Variants in RASGRF2 observed in about 807,000 individuals in gnomAD.
The protein encoded by RASGRF2 is ras-specific guanine nucleotide-releasing factor 2.
Under a neutral mutation model 151.0 loss-of-function variants are expected in RASGRF2, and 76 were observed. The ratio of observed to expected loss-of-function variants is 0.50; its 90% CI spans 0.42 to 0.61. RASGRF2 has a LOEUF of 0.61. Among genes scored for constraint, RASGRF2 ranks in the 20% least tolerant of loss-of-function variants. The pLI, the probability that RASGRF2 is intolerant of heterozygous loss-of-function variation, is 0.00. For synonymous variants in RASGRF2, 504 were observed against 566.5 expected (o/e 0.89, Z 1.57); for missense variants, 1,148 against 1,564.6 (o/e 0.73, Z 4.49).
chr5:81,151,865 G>A (rs1754143230), intron 17 of RASGRF2, among the ~76,000 whole-genome samples: 1 of 152,130 alleles, frequency 6.6e-6, no homozygotes, highest in African/African-American at 2.4e-5. Context: ...GTTCAATTCA[G>A]CTAACTTTTT....
Position 81,070,492 on chromosome 5 carries a change from A to G in RASGRF2, c.544A>G (p.Ile182Val), listed in dbSNP as rs376087567. 3.0e-5 allele frequency: 48 copies of G among 1,595,378 alleles called. No homozygotes were observed. The Middle Eastern group carries it at 2.1e-3, about 71-fold the overall frequency. The change falls in exon 4 of 27, where the codon ATT becomes GTT. Residue 182 changes from isoleucine to valine, a missense_variant and splice_region_variant. Ile to Val is a conservative substitution (Grantham distance 29, BLOSUM62 3). Transcript: ENST00000265080. ...GAAATGGACCAACTTTGTGTTCCAG[A>G]TTATTGCTCTTAATAAAACCAAAGA... ...DTEIERLKSEIIALNKTKERM... is the reference protein window; with the variant it reads ...DTEIERLKSEVIALNKTKERM...
At chr5:81,064,925 A>G (rs1751552412) in intron 2 of RASGRF2, among the ~76,000 whole-genome samples, 1 of 152,192 alleles carries the variant, frequency 6.6e-6, no homozygotes, top group Non-Finnish European at 1.5e-5. Context: ...GAGTTAATAA[A>G]AAGGGTCGTT....
intron 9 of RASGRF2, among the ~76,000 whole-genome samples, chr5:81,091,175 A>G (rs1752377980): frequency 6.6e-6 from 1 of 152,148 alleles, no homozygotes; most frequent in South Asian, 2.1e-4. Flanking sequence ...GCATTAAACC[A>G]TGTCCTCTGC....
At chr5:81,093,885 T>G (rs1752462289) in intron 10 of RASGRF2, among the ~76,000 whole-genome samples, 1 of 151,918 alleles carries the variant, frequency 6.6e-6, no homozygotes, top group Non-Finnish European at 1.5e-5. Flanking sequence ...ATGGAAAAAG[T>G]TTGCCTAGAT....
At chr5:81,171,957 G>T (rs977232873) in intron 17 of RASGRF2, among the ~76,000 whole-genome samples, 8 of 152,182 alleles carry the variant, frequency 5.3e-5, no homozygotes, top group African/African-American at 1.9e-4. Context: ...GCAGCGATGG[G>T]AGGGCTGATA....
intron 1 of RASGRF2, among the ~76,000 whole-genome samples, chr5:80,991,266 C>T (rs550998873): frequency 1.3e-5 from 2 of 152,114 alleles, no homozygotes; most frequent in Non-Finnish European, 2.9e-5. Flanking sequence ...TGAGACCAGC[C>T]TGGGCAACAT....
intron 12 of RASGRF2, among the ~76,000 whole-genome samples, chr5:81,096,984 T>A (rs1752567586): frequency 6.6e-6 from 1 of 151,238 alleles, no homozygotes; most frequent in African/African-American, 2.4e-5. Flanking sequence ...TTTTTTGAGA[T>A]GGAGTCTCGC....
rs1755814119 is a variant in RASGRF2, at chr5:81,219,571, T to G, written c.3553-139T>G. 14 of 613,318 alleles carry G rather than the reference T, an allele frequency of 2.3e-5. 1 individual carries two copies. The South Asian group carries it at 3.3e-4, about 14-fold the overall frequency. 38.0% of individuals were successfully genotyped at this position (613,318 alleles called of 1,614,324 possible). A position where few individuals can be genotyped will look rare whatever the true frequency, so the allele number is the denominator to read the frequency against. ...AGAAAGCACCAACCATAGGGAATGG[T>G]CAGGCAGGCTCCACCCGCCTCACTG... On this transcript the variant is annotated intron_variant, in intron 25 of 26. Transcript: ENST00000265080.
chr5:81,071,867 G>T (rs1751786980), intron 4 of RASGRF2, among the ~76,000 whole-genome samples: 1 of 152,140 alleles, frequency 6.6e-6, no homozygotes, highest in Admixed American at 6.5e-5. Context: ...CTATTGGTCG[G>T]CAAGCACCCC....
At chr5:81,158,235 T>G (rs1012691905) in intron 17 of RASGRF2, among the ~76,000 whole-genome samples, 4 of 152,210 alleles carry the variant, frequency 2.6e-5, no homozygotes, top group African/African-American at 9.6e-5. Context: ...CATTTAAAGT[T>G]GTTGATTTTC....
chr5:81,099,089 C>T (rs1411874516), intron 12 of RASGRF2, among the ~76,000 whole-genome samples: 3 of 152,180 alleles, frequency 2.0e-5, no homozygotes, highest in Non-Finnish European at 4.4e-5. Flanking sequence ...AGATGCCATT[C>T]TAAACTCCAT....
Position 81,034,803 on chromosome 5 carries a change from G to GT in RASGRF2, c.289-8073dup, listed in dbSNP as rs1367632320. ...ATCACACTCTGGGGACTGTTGTGGG[G>GT]TGGGAGGGGGGTAGGGATAGCATTG... On this transcript the variant is annotated intron_variant, in intron 1 of 26. Coordinates refer to ENST00000265080, the MANE Select transcript of RASGRF2 (RefSeq NM_006909.3). 3.5e-3 allele frequency among the ~76,000 whole-genome samples: 300 copies of GT among 86,494 alleles called. 11 individuals are homozygous for GT. Among genetic ancestry groups the GT allele is most frequent in the African/African-American group, 0.014 (289 of 20,258 alleles). The allele number at this position is 86,494 out of a possible 152,430, so 56.7% of individuals were successfully genotyped here.
intron 18 of RASGRF2, among the ~76,000 whole-genome samples, chr5:81,198,988 C>CT (rs1332838306): frequency 6.6e-6 from 1 of 152,212 alleles, no homozygotes; most frequent in Non-Finnish European, 1.5e-5. Flanking sequence ...CTCCAAACTG[C>CT]TTTCCACAGG....
chr5:81,140,744 C>T (rs1165943588), intron 17 of RASGRF2, among the ~76,000 whole-genome samples: 2 of 152,194 alleles, frequency 1.3e-5, no homozygotes, highest in African/African-American at 2.4e-5. Context: ...TTCCCAGGCT[C>T]CCTGCAGGCT....
In RASGRF2 at chr5:81,160,317, A is replaced by C. The variant is rs1754351910; in HGVS notation, c.2687-19858A>C. Among the ~76,000 whole-genome samples, 3 of 152,166 alleles carry C rather than the reference A, an allele frequency of 2.0e-5. No individual in the cohort carries two copies. The South Asian group carries it at 6.2e-4, about 32-fold the overall frequency. On this transcript the variant is annotated intron_variant, in intron 17 of 26. Transcript: ENST00000265080. ...ACGCCTGTAATCCCACCTACTTCAG[A>C]GAGTGAGACAGGAGAATTGCTTGAA...
intron 17 of RASGRF2, among the ~76,000 whole-genome samples, chr5:81,170,497 G>A (rs1580377296): frequency 1.3e-5 from 2 of 152,154 alleles, no homozygotes; most frequent in South Asian, 4.1e-4. Flanking sequence ...TTCCTGGGCT[G>A]CAGCCATACT....
At chr5:81,187,200 G>A (rs1489645378) in intron 18 of RASGRF2, among the ~76,000 whole-genome samples, 1 of 152,212 alleles carries the variant, frequency 6.6e-6, no homozygotes, top group Non-Finnish European at 1.5e-5. Context: ...TGTGATGGTG[G>A]AAATGTTCTA....
In RASGRF2 at chr5:81,111,289, A is replaced by G. The variant is rs537636346; in HGVS notation, c.1839-1321A>G. 1.2e-4 allele frequency among the ~76,000 whole-genome samples: 18 copies of G among 152,308 alleles called. No individual in the cohort carries two copies. The South Asian group carries it at 1.5e-3, about 12-fold the overall frequency. The stretch of plus-strand genomic sequence containing the variant: ...TCCTGAAATGCTGCAGTGAAGGTGA[A>G]CAAGGGATCTCAGAAGGGGAAGTGA... On this transcript the variant is annotated intron_variant, in intron 13 of 26. Transcript: ENST00000265080.
intron 1 of RASGRF2, among the ~76,000 whole-genome samples, chr5:81,029,750 A>G (rs1750170788): frequency 6.6e-6 from 1 of 152,238 alleles, no homozygotes; most frequent in African/African-American, 2.4e-5. Flanking sequence ...TTCTCCTCCA[A>G]AGGAATGCAG....
Sources: allele counts gnomAD v4.1 joint callset (sites outside exome capture counted in the v4.1 genomes callset), GRCh38; gene constraint gnomAD v4.1.1; transcripts MANE v1.5; gene names NCBI Gene and HGNC (gene_info 2026-07-23, HGNC 2026-07-21).